The following FTO variants were observed in gnomAD, a reference collection of about 807,000 sequenced individuals.
FTO encodes the protein alpha-ketoglutarate-dependent dioxygenase FTO.
A neutral mutation model predicts 63.9 loss-of-function variants in FTO; 47 were observed. The observed-to-expected ratio is 0.74, with a 90% confidence interval of 0.58 to 0.94. The LOEUF is 0.94. FTO is among the 40% of genes least tolerant of loss of function. FTO has a pLI of 0.00. For missense variants in FTO, 562 were observed against 618.1 expected, an observed-to-expected ratio of 0.91 and a Z score of 0.96; for synonymous variants, 207 against 224.4, an observed-to-expected ratio of 0.92 and a Z score of 0.69.
At chr16:54,087,358 A>T (rs1217803398) in intron 8 of FTO, among the ~76,000 whole-genome samples, 1 of 152,066 alleles carries the variant, frequency 6.6e-6, no homozygotes, top group Non-Finnish European at 1.5e-5. Context: ...ATGGTCCTTT[A>T]CTCTTCCCGT....
At chr16:54,105,622 G>A (rs532208810) in intron 8 of FTO, among the ~76,000 whole-genome samples, 1 of 152,236 alleles carries the variant, frequency 6.6e-6, no homozygotes, top group Admixed American at 6.5e-5. Context: ...GACATTATTC[G>A]GGACATTTAA....
At chr16:53,963,710 G>A (rs1339460111) in intron 8 of FTO, among the ~76,000 whole-genome samples, 3 of 152,166 alleles carry the variant, frequency 2.0e-5, no homozygotes, top group African/African-American at 2.4e-5. Context: ...GTGGATGCCA[G>A]CATCATGCAT....
intron 8 of FTO, among the ~76,000 whole-genome samples, chr16:53,938,931 T>C (rs1352283208): frequency 7.5e-6 from 1 of 132,938 alleles, no homozygotes; most frequent in Non-Finnish European, 1.6e-5. Context: ...CTACTAAAAA[T>C]ACAAAAAAAA....
At chr16:54,002,440 G>A (rs7200972) in intron 8 of FTO, among the ~76,000 whole-genome samples, 105,136 of 152,210 alleles carry the variant, frequency 0.69, 37,543 homozygotes, top group African/African-American at 0.87. Flanking sequence ...TATTGTACGA[G>A]GTAACTCCAC....
Position 53,790,924 on chromosome 16 carries a change from A to G in FTO, c.46-19216A>G, listed in dbSNP as rs777333392. On this transcript the variant is annotated intron_variant, in intron 1 of 8. Transcript: ENST00000471389. ...AGAAAGGATGCAGATAGTGTCTGCT[A>G]TTAAAGGCAGAGGAAGAAAGACCTG... Among the ~76,000 whole-genome samples the G allele has an allele frequency of 1.6e-4, 24 of 152,308 alleles. 1 individual carries two copies. The South Asian group carries it at 4.8e-3, about 30-fold the overall frequency.
At chr16:53,869,838 A>G (rs549689473) in intron 4 of FTO, among the ~76,000 whole-genome samples, 12 of 151,406 alleles carry the variant, frequency 7.9e-5, no homozygotes, top group Non-Finnish European at 1.8e-4. Context: ...CTGATAATTA[A>G]TTTCTGCCAT....
chr16:54,021,777 C>T (rs942334308), intron 8 of FTO, among the ~76,000 whole-genome samples: 2 of 152,034 alleles, frequency 1.3e-5, no homozygotes, highest in African/African-American at 4.8e-5. Context: ...TGTGAGCCAC[C>T]GCGCCTGGCT....
intron 7 of FTO, among the ~76,000 whole-genome samples, chr16:53,898,558 C>G (rs2081329413): frequency 6.6e-6 from 1 of 152,162 alleles, no homozygotes; most frequent in Non-Finnish European, 1.5e-5. Flanking sequence ...ACTCTTATTT[C>G]CCCAGCCTCT....
intron 1 of FTO, among the ~76,000 whole-genome samples, chr16:53,761,699 G>T (rs2077075169): frequency 6.6e-6 from 1 of 152,112 alleles, no homozygotes; most frequent in African/African-American, 2.4e-5. Flanking sequence ...GTTTAGCAAA[G>T]AATTCTCTAC....
intron 8 of FTO, among the ~76,000 whole-genome samples, chr16:54,051,021 T>C (rs569431102): frequency 4.6e-5 from 7 of 152,296 alleles, no homozygotes; most frequent in South Asian, 4.1e-4. Context: ...AATTTCCTGA[T>C]TGCATAATAG....
intron 5 of FTO, among the ~76,000 whole-genome samples, chr16:53,878,987 C>T (rs1280443996): frequency 2.0e-5 from 3 of 152,118 alleles, no homozygotes; most frequent in African/African-American, 7.2e-5. Context: ...AGTTCTTTGC[C>T]TTGTGATTAT....
At chr16:53,862,399 A>G (rs1424991112) in intron 4 of FTO, among the ~76,000 whole-genome samples, 3 of 152,088 alleles carry the variant, frequency 2.0e-5, no homozygotes, top group Non-Finnish European at 4.4e-5. Context: ...CATTTGTAGT[A>G]TTTTATATTT....
rs1308270549 is a variant in FTO at position 54,117,655 on chromosome 16, T to C, written c.*5740T>C. The C allele has an allele frequency of 1.3e-5, 2 of 152,248 alleles. No homozygotes were observed. The highest frequency in any genetic ancestry group is 2.4e-5 in the African/African-American group (1 of 41,464). 9.4% of individuals were successfully genotyped at this position (152,248 alleles called of 1,614,324 possible). A position where few individuals can be genotyped will look rare whatever the true frequency, so the allele number is the denominator to read the frequency against. ...GCTCTTCACAGCTTCCATTTTTCGC[T>C]AGGCGGATGGCATGGAACTTTTTAT... On this transcript the variant is annotated 3_prime_UTR_variant, in exon 9 of 9. Coordinates refer to ENST00000471389, the MANE Select transcript of FTO (RefSeq NM_001080432.3).
intron 1 of FTO, among the ~76,000 whole-genome samples, chr16:53,719,253 CTTTTTTT>C (rs10527186): frequency 7.4e-6 from 1 of 135,650 alleles, no homozygotes; most frequent in African/African-American, 2.8e-5. Context: ...TCTTCTTCTT[CTTTTTTT>C]TTTTTTTTTT....
intron 7 of FTO, among the ~76,000 whole-genome samples, chr16:53,894,528 A>C (rs1046341525): frequency 1.3e-5 from 2 of 152,140 alleles, no homozygotes; most frequent in African/African-American, 4.8e-5. Context: ...GTTTATTTTA[A>C]ACTTCCTTCT....
intron 8 of FTO, among the ~76,000 whole-genome samples, chr16:54,008,746 T>C (rs2084267594): frequency 6.6e-6 from 1 of 151,252 alleles, no homozygotes; most frequent in Non-Finnish European, 1.5e-5. Context: ...GCTCAGACTT[T>C]ATTTTCAAGA....
chr16:54,051,545 G>A (rs1484435841), intron 8 of FTO, among the ~76,000 whole-genome samples: 2 of 152,278 alleles, frequency 1.3e-5, no homozygotes, highest in East Asian at 1.9e-4. Flanking sequence ...AATCTACATG[G>A]CATCCCAATA....
intron 1 of FTO, among the ~76,000 whole-genome samples, chr16:53,760,239 TGTGTGTGTGTGTGTGTG>T (rs1439151106): frequency 6.9e-5 from 1 of 14,526 alleles, no homozygotes; most frequent in African/African-American, 1.9e-3. Context: ...TGTGTGTGTG[TGTGTGTGTGTGTGTGTG>T]TGTGTTTTTT....
In FTO at chr16:53,790,746, A is replaced by C. The variant is rs532545831; in HGVS notation, c.46-19394A>C. 2.6e-5 allele frequency among the ~76,000 whole-genome samples: 4 copies of C among 152,274 alleles called. No individual in the cohort carries two copies. The East Asian group carries it at 7.7e-4, about 29-fold the overall frequency. On this transcript the variant is annotated intron_variant, in intron 1 of 8. Coordinates refer to ENST00000471389, the MANE Select transcript of FTO (RefSeq NM_001080432.3). ...ATATAGGTTTGGAATGGAGATGAGG[A>C]CTTCAGAGTTATCGGTAATGAACTC... is the stretch of plus-strand genomic sequence containing the variant.
Sources: allele counts gnomAD v4.1 joint callset (sites outside exome capture counted in the v4.1 genomes callset), GRCh38; gene constraint gnomAD v4.1.1; transcripts MANE v1.5; gene names NCBI Gene and HGNC (gene_info 2026-07-23, HGNC 2026-07-21).